TMEM74: variants seen among roughly 807,000 people sequenced by gnomAD.
TMEM74 encodes transmembrane protein 74.
A neutral mutation model predicts 18.1 loss-of-function variants in TMEM74; 13 were observed. The ratio of observed to expected loss-of-function variants is 0.72; its 90% CI spans 0.47 to 1.14. The LOEUF (loss-of-function observed/expected upper bound fraction) is 1.14. Among genes scored for constraint, TMEM74 ranks in the 50% most tolerant of loss-of-function variants. TMEM74 has a pLI of 0.00. For missense variants in TMEM74, 372 were observed against 375.9 expected (o/e 0.99, Z 0.09); for synonymous variants, 159 against 146.6 (o/e 1.08, Z -0.61).
At chr8:108,744,205 A>G (rs1334223781) in intron 1 of TMEM74, among the ~76,000 whole-genome samples, 1 of 152,198 alleles carries the variant, frequency 6.6e-6, no homozygotes, top group Non-Finnish European at 1.5e-5. Flanking sequence ...TCAGATTCAG[A>G]TCGAGTATTT....
At chr8:108,759,197 C>T (rs1325517294) in intron 1 of TMEM74, among the ~76,000 whole-genome samples, 1 of 151,954 alleles carries the variant, frequency 6.6e-6, no homozygotes, top group Admixed American at 6.6e-5. Context: ...CAATTCTAAT[C>T]TGTACTGCCT....
At chr8:108,680,335 A>C (rs1813099651) in intron 1 of TMEM74, among the ~76,000 whole-genome samples, 1 of 152,244 alleles carries the variant, frequency 6.6e-6, no homozygotes, top group Non-Finnish European at 1.5e-5. Flanking sequence ...AGTGGGCTTC[A>C]TCCCTGAGAT....
intron 1 of TMEM74, among the ~76,000 whole-genome samples, chr8:108,750,903 C>T (rs183142630): frequency 7.2e-5 from 11 of 152,242 alleles, no homozygotes; most frequent in Admixed American, 7.2e-4. Context: ...CCATTTGTCT[C>T]TTTCCTGTTC....
chr8:108,754,833 G>A (rs1813941057), intron 1 of TMEM74, among the ~76,000 whole-genome samples: 1 of 151,892 alleles, frequency 6.6e-6, no homozygotes, highest in Admixed American at 6.6e-5. Context: ...CAGGTGAGCT[G>A]ACAGTGTAAG....
At chr8:108,641,859 AT>A (rs1812668499) in intron 2 of TMEM74, among the ~76,000 whole-genome samples, 1 of 152,002 alleles carries the variant, frequency 6.6e-6, no homozygotes, top group Non-Finnish European at 1.5e-5. Flanking sequence ...TTCCATCTTT[AT>A]TTTTCATGTG....
intron 1 of TMEM74, among the ~76,000 whole-genome samples, chr8:108,716,123 C>T (rs1168234769): frequency 6.6e-6 from 1 of 151,906 alleles, no homozygotes; most frequent in Non-Finnish European, 1.5e-5. Flanking sequence ...TGACAAAAAA[C>T]TGCAATGTAG....
In TMEM74 at chr8:108,761,817, T is replaced by C. The variant is rs1458995914; in HGVS notation, n.119+25659A>G. On this transcript the variant is annotated intron_variant and non_coding_transcript_variant, in intron 1 of 3. Coordinates refer to the TMEM74 transcript ENST00000518838. Reference sequence around the variant, plus strand: ...TCCCTTATGAAATATATTTCAAGGGTTTATTACAAAAAATATACAAATAGC... The same window carrying C: ...TCCCTTATGAAATATATTTCAAGGGCTTATTACAAAAAATATACAAATAGC... Among the ~76,000 whole-genome samples, 3 of 152,062 alleles carry C rather than the reference T, an allele frequency of 2.0e-5. No individual in the cohort carries two copies. The East Asian group carries it at 5.8e-4, about 29-fold the overall frequency.
intron 1 of TMEM74, among the ~76,000 whole-genome samples, chr8:108,689,715 G>A (rs1813205894): frequency 6.6e-6 from 1 of 152,152 alleles, no homozygotes; most frequent in Non-Finnish European, 1.5e-5. Flanking sequence ...CAACACATAT[G>A]GCTTTCTTCC....
At chr8:108,719,004 A>G (rs201498392) in intron 1 of TMEM74, among the ~76,000 whole-genome samples, 2 of 143,320 alleles carry the variant, frequency 1.4e-5, no homozygotes, top group Non-Finnish European at 3.1e-5. Context: ...GTATATATAC[A>G]CATATATATA....
intron 1 of TMEM74, among the ~76,000 whole-genome samples, chr8:108,734,500 G>A (rs28496646): frequency 0.027 from 4,145 of 152,054 alleles, 117 homozygotes; most frequent in African/African-American, 0.073. Context: ...GTCATTCTTT[G>A]ACACTGTTCA....
chr8:108,646,181 A>T (rs1812715234), intron 2 of TMEM74, among the ~76,000 whole-genome samples: 1 of 151,874 alleles, frequency 6.6e-6, no homozygotes, highest in South Asian at 2.1e-4. Flanking sequence ...AGGATGTTTC[A>T]AAATTCTCCA....
intron 1 of TMEM74, among the ~76,000 whole-genome samples, chr8:108,657,862 ATATATAT>A (rs1563742270): frequency 0.022 from 1,081 of 48,392 alleles, 107 homozygotes; most frequent in Middle Eastern, 0.061. Flanking sequence ...AAAAAAAAAT[ATATATAT>A]ATATATATAT....
intron 2 of TMEM74, among the ~76,000 whole-genome samples, chr8:108,619,516 C>T (rs983697645): frequency 6.6e-6 from 1 of 152,160 alleles, no homozygotes; most frequent in African/African-American, 2.4e-5. Flanking sequence ...GTGCAGCAAG[C>T]CAGGTGCTGG....
intron 1 of TMEM74, among the ~76,000 whole-genome samples, chr8:108,723,714 A>G (rs944165012): frequency 3.9e-5 from 6 of 152,156 alleles, no homozygotes; most frequent in African/African-American, 1.4e-4. Flanking sequence ...TAAAACCAGA[A>G]AGATGGTACA....
At chr8:108,739,228 C>G (rs1320490637) in intron 1 of TMEM74, among the ~76,000 whole-genome samples, 2 of 152,158 alleles carry the variant, frequency 1.3e-5, no homozygotes, top group Non-Finnish European at 2.9e-5. Flanking sequence ...TTAATTAATT[C>G]AGAATCTGAA....
intron 2 of TMEM74, chr8:108,653,402 CCTTTA>C (rs1812792944): frequency 2.6e-5 from 4 of 152,330 alleles, no homozygotes; most frequent in Admixed American, 2.6e-4. Context: ...GACACACTTG[CCTTTA>C]CTTGACATCT....
At chr8:108,737,926 G>A (rs980522592) in intron 1 of TMEM74, among the ~76,000 whole-genome samples, 5 of 152,112 alleles carry the variant, frequency 3.3e-5, no homozygotes, top group Non-Finnish European at 7.4e-5. Flanking sequence ...AATATTAGGA[G>A]CATCTTTCAG....
At chr8:108,752,756 C>G (rs756695997) in intron 1 of TMEM74, among the ~76,000 whole-genome samples, 1 of 152,114 alleles carries the variant, frequency 6.6e-6, no homozygotes, top group African/African-American at 2.4e-5. Context: ...TACAACTGTT[C>G]TTACACTTTT....
At chr8:108,685,331 A>G (rs1417558794) in intron 1 of TMEM74, among the ~76,000 whole-genome samples, 5 of 152,074 alleles carry the variant, frequency 3.3e-5, no homozygotes, top group Non-Finnish European at 7.4e-5. Context: ...CCATTCTAAT[A>G]AGTTTTGGTA....
Sources: gnomAD v4.1 joint callset for allele counts (sites outside exome capture counted in the v4.1 genomes callset) on GRCh38, gnomAD v4.1.1 for gene constraint, MANE v1.5 for transcripts, NCBI Gene and HGNC (gene_info 2026-07-23, HGNC 2026-07-21) for gene names.